Variants in PSPH observed in about 807,000 individuals in gnomAD.
PSPH encodes the protein phosphoserine phosphatase, also known as L-3-phosphoserine phosphatase.
In PSPH, 16 loss-of-function variants were observed where a neutral mutation model predicts 23.4. The observed-to-expected ratio is 0.68, with a 90% CI of 0.46 to 1.04. The LOEUF is 1.04. Among genes scored for constraint, PSPH ranks in the 50% least tolerant of loss-of-function variants. PSPH has a pLI of 0.00. For synonymous variants in PSPH, 68 were observed against 99.7 expected (o/e 0.68, Z 1.89); for missense variants, 223 against 273.7 (o/e 0.81, Z 1.31).
Position 56,051,444 on chromosome 7 carries a change from T to C in PSPH, c.-598A>G. ...GAGCACACGGTCCGGGAAGCTCCAATGAAACGGAACAAACCGCGAGATCAG... is the reference window on the plus strand; with the variant it reads ...GAGCACACGGTCCGGGAAGCTCCAACGAAACGGAACAAACCGCGAGATCAG... On this transcript the variant is annotated 5_prime_UTR_variant, in exon 1 of 8. Coordinates refer to ENST00000275605, the MANE Select transcript of PSPH (RefSeq NM_004577.4). 1 of 239,042 alleles carries C rather than the reference T, an allele frequency of 4.2e-6. No individual in the cohort carries two copies. The highest frequency in any genetic ancestry group is 4.5e-5 in the South Asian group (1 of 21,992). The allele number at this position is 239,042 out of a possible 1,614,324, so 14.8% of individuals were successfully genotyped here. A position where few individuals can be genotyped will look rare whatever the true frequency, so the allele number is the denominator to read the frequency against.
chr7:56,021,663 G>A (rs1789479136), intron 3 of PSPH, among the ~76,000 whole-genome samples: 1 of 150,852 alleles, frequency 6.6e-6, no homozygotes, highest in African/African-American at 2.4e-5. Flanking sequence ...AAGCGGAGGT[G>A]TGAGGCCGGG....
At position 56,033,961 on chromosome 7, in the gene PSPH, C is replaced by G. The variant is rs913261759; in HGVS notation, c.-146G>C. ...AGGGAAGGCACAAGCCGGGACTTAC[C>G]CTGTGTCCTGGGCCTCCGGGGCTCC... is the stretch of plus-strand genomic sequence containing the variant. On this transcript the variant is annotated splice_region_variant and 5_prime_UTR_variant, in exon 2 of 8. Coordinates refer to ENST00000275605, the MANE Select transcript of PSPH (RefSeq NM_004577.4). 3.3e-4 allele frequency: 50 copies of G among 152,224 alleles called. No homozygotes were observed. The highest frequency in any genetic ancestry group is 1.2e-3 in the African/African-American group (50 of 41,438). 9.4% of individuals were successfully genotyped at this position (152,224 alleles called of 1,614,324 possible).
intron 6 of PSPH, among the ~76,000 whole-genome samples, chr7:56,015,768 C>T (rs943986061): frequency 6.6e-6 from 1 of 152,044 alleles, no homozygotes; most frequent in Non-Finnish European, 1.5e-5. Flanking sequence ...AAACCATTCT[C>T]GTGTCTCAGC....
In PSPH at chr7:56,019,602, T is replaced by C; in HGVS notation, c.273A>G (p.Ile91Met). ...AEQPPHLTPG[I>M]RELVSRLQER... ...CCTGGAGCCGGGGTTCCTCTTACCTTATGCCGGGGGTCAGGTGTGGGGGTT... is the reference window on the plus strand; with the variant it reads ...CCTGGAGCCGGGGTTCCTCTTACCTCATGCCGGGGGTCAGGTGTGGGGGTT... The change falls in exon 5 of 8, where the codon ATA becomes ATG. Residue 91 changes from isoleucine (I) to methionine (M), a missense_variant and splice_region_variant. Transcript: ENST00000275605. The C allele has an allele frequency of 6.2e-7, 1 of 1,613,456 alleles. No individual in the cohort carries two copies. The highest frequency in any genetic ancestry group is 8.5e-7 in the Non-Finnish European group (1 of 1,179,764).
intron 1 of PSPH, among the ~76,000 whole-genome samples, chr7:56,050,121 G>A (rs562920932): frequency 1.3e-5 from 2 of 152,010 alleles, no homozygotes; most frequent in Admixed American, 6.6e-5. Flanking sequence ...GTCTTCTATC[G>A]TGCAGTGCTA....
intron 1 of PSPH, among the ~76,000 whole-genome samples, chr7:56,042,722 G>A (rs1276814170): frequency 6.6e-6 from 1 of 151,684 alleles, no homozygotes; most frequent in Non-Finnish European, 1.5e-5. Context: ...GGTGGCACAT[G>A]CCTATAATGC....
intron 1 of PSPH, among the ~76,000 whole-genome samples, chr7:56,047,432 T>C (rs1793396501): frequency 6.6e-6 from 1 of 151,722 alleles, no homozygotes; most frequent in Admixed American, 6.6e-5. Context: ...TAGTAGGCAT[T>C]GTTATGATGA....
At chr7:56,012,428 G>A (rs1159220408) in intron 7 of PSPH, among the ~76,000 whole-genome samples, 3 of 151,852 alleles carry the variant, frequency 2.0e-5, no homozygotes, top group African/African-American at 7.3e-5. Flanking sequence ...CAATCCTCCC[G>A]CCTCAGCCTC....
chr7:56,049,413 C>T (rs531897683), intron 1 of PSPH, among the ~76,000 whole-genome samples: 3 of 152,082 alleles, frequency 2.0e-5, no homozygotes, highest in East Asian at 3.9e-4. Flanking sequence ...TTATCAAGAA[C>T]ACCTATTTAT....
At chr7:56,012,111 G>A (rs1279827205) in intron 7 of PSPH, among the ~76,000 whole-genome samples, 1 of 151,564 alleles carries the variant, frequency 6.6e-6, no homozygotes, top group African/African-American at 2.4e-5. Context: ...ATGTTGCCAG[G>A]CTGCTCTCAA....
intron 1 of PSPH, among the ~76,000 whole-genome samples, chr7:56,048,571 A>C (rs1793554499): frequency 6.6e-6 from 1 of 152,172 alleles, no homozygotes; most frequent in South Asian, 2.1e-4. Context: ...TCCTGGGTTA[A>C]ATGTGATGTT....
Position 56,024,804 on chromosome 7 carries a change from C to CTTT in PSPH, c.-19-3576_-19-3574dup, listed in dbSNP as rs11394881. Reference sequence around the variant, plus strand: ...CAAATTTCAGTGTCTATTAATAAATCTTTTTTTTTTTTTTTTTGAGAAGGA... The same window carrying CTTT: ...CAAATTTCAGTGTCTATTAATAAATCTTTTTTTTTTTTTTTTTTTTGAGAAGGA... On this transcript the variant is annotated intron_variant, in intron 3 of 7. Transcript: ENST00000275605. Among the ~76,000 whole-genome samples, 33 of 130,090 alleles carry CTTT rather than the reference C, an allele frequency of 2.5e-4. 1 individual carries two copies. Among genetic ancestry groups the CTTT allele is most frequent in the Middle Eastern group, 4.0e-3 (1 of 250 alleles). The allele number at this position is 130,090 out of a possible 152,430, so 85.3% of individuals were successfully genotyped here.
At chr7:56,033,614 TA>T (rs1388357720) in intron 2 of PSPH, 3 of 152,068 alleles carry the variant, frequency 2.0e-5, no homozygotes, top group Non-Finnish European at 4.4e-5. Context: ...TATAACAATG[TA>T]TCTGGTAAGT....
chr7:56,041,193 A>ATT (rs1554355947), intron 1 of PSPH, among the ~76,000 whole-genome samples: 2 of 146,924 alleles, frequency 1.4e-5, no homozygotes, highest in African/African-American at 5.0e-5. Context: ...GCAAGACTCT[A>ATT]TCTCTCTCTC....
At chr7:56,029,966 G>A (rs943118644) in intron 3 of PSPH, among the ~76,000 whole-genome samples, 6 of 135,944 alleles carry the variant, frequency 4.4e-5, no homozygotes, top group African/African-American at 1.4e-4. Context: ...GCGACAGAGC[G>A]AGACTCCATC....
At chr7:56,022,469 G>T (rs1789599752) in intron 3 of PSPH, among the ~76,000 whole-genome samples, 1 of 152,130 alleles carries the variant, frequency 6.6e-6, no homozygotes, top group East Asian at 1.9e-4. Flanking sequence ...GAGGGAGCGG[G>T]GGTGGAGACA....
At chr7:56,032,574 G>A (rs1313534693) in intron 2 of PSPH, among the ~76,000 whole-genome samples, 1 of 141,320 alleles carries the variant, frequency 7.1e-6, no homozygotes, top group Non-Finnish European at 1.5e-5. Flanking sequence ...GCAGGAGAAT[G>A]GCATGAACCC....
intron 5 of PSPH, among the ~76,000 whole-genome samples, chr7:56,019,078 C>T (rs1272603100): frequency 1.3e-5 from 2 of 151,952 alleles, no homozygotes; most frequent in African/African-American, 2.4e-5. Flanking sequence ...AGGAGTTCAA[C>T]GCTGTAGTAA....
At chr7:56,035,141 G>A (rs1211348661) in intron 1 of PSPH, among the ~76,000 whole-genome samples, 1 of 152,126 alleles carries the variant, frequency 6.6e-6, no homozygotes, top group African/African-American at 2.4e-5. Flanking sequence ...AGGAGTTCGA[G>A]ACCAGCCTGG....
Sources: gnomAD v4.1 joint callset for allele counts (sites outside exome capture counted in the v4.1 genomes callset) on GRCh38, gnomAD v4.1.1 for gene constraint, MANE v1.5 for transcripts, NCBI Gene and HGNC (gene_info 2026-07-23, HGNC 2026-07-21) for gene names.